The following ALG6 variants were observed in gnomAD, a reference collection of about 807,000 sequenced individuals.
The protein encoded by ALG6 is ALG6 alpha-1,3-glucosyltransferase.
Under a neutral mutation model 66.6 loss-of-function variants are expected in ALG6, and 46 were observed. The ratio of observed to expected loss-of-function variants is 0.69; its 90% CI spans 0.55 to 0.88. The LOEUF (loss-of-function observed/expected upper bound fraction) is 0.88, where lower values mean the gene tolerates loss of function less well. ALG6 is among the 40% of genes least tolerant of loss of function. The pLI is 0.00. For synonymous variants in ALG6, 185 were observed against 203.7 expected, an observed-to-expected ratio of 0.91 and a Z score of 0.78; for missense variants, 505 against 586.8, an observed-to-expected ratio of 0.86 and a Z score of 1.44.
chr1:63,402,364 G>A, intron 4 of ALG6, 21 bp downstream of exon 4: 2 of 1,535,200 alleles, frequency 1.3e-6, no homozygotes, highest in African/African-American at 1.4e-5. Context: ...CTTTCTTAAT[G>A]TAACTCTAAA....
At chr1:63,425,645 A>G (rs1460391019) in intron 12 of ALG6, among the ~76,000 whole-genome samples, 1 of 152,230 alleles carries the variant, frequency 6.6e-6, no homozygotes, top group South Asian at 2.1e-4. Flanking sequence ...TTAAAGTGAG[A>G]CCAGTTAGTA....
intron 11 of ALG6, among the ~76,000 whole-genome samples, chr1:63,418,978 TA>T (rs1291328898): frequency 6.6e-6 from 1 of 152,222 alleles, no homozygotes; most frequent in Non-Finnish European, 1.5e-5. Flanking sequence ...GTGCATGTTT[TA>T]AAACACCAAA....
intron 2 of ALG6, among the ~76,000 whole-genome samples, chr1:63,391,097 G>A (rs559534300): frequency 1.4e-4 from 22 of 152,058 alleles, no homozygotes; most frequent in Non-Finnish European, 2.4e-4. Context: ...GTCATAGTTT[G>A]TTTTTTAATA....
At chr1:63,411,899 T>TA (rs1557591400) in intron 8 of ALG6, 27 bp from the exon 9 acceptor site, 2 of 1,613,988 alleles carry the variant, frequency 1.2e-6, no homozygotes, top group Non-Finnish European at 1.7e-6. Context: ...TTCCCTATCT[T>TA]ACTGCCTACC....
chr1:63,422,316 T>TATTTATATAG (rs1557595159), intron 12 of ALG6, among the ~76,000 whole-genome samples: 1 of 112,514 alleles, frequency 8.9e-6, no homozygotes, highest in Non-Finnish European at 1.7e-5. Context: ...TATATATCTA[T>TATTTATATAG]ATATGAATAT....
intron 2 of ALG6, among the ~76,000 whole-genome samples, chr1:63,375,154 A>G (rs1427576930): frequency 2.0e-5 from 3 of 152,008 alleles, no homozygotes; most frequent in African/African-American, 7.2e-5. Flanking sequence ...TGAGCCAGAG[A>G]TGGTGCCACT....
chr1:63,421,362 A>G (rs1210383770), intron 12 of ALG6, among the ~76,000 whole-genome samples: 1 of 152,130 alleles, frequency 6.6e-6, no homozygotes, highest in Non-Finnish European at 1.5e-5. Context: ...GAATGCTTTT[A>G]TACTGTTGGT....
At position 63,414,139 on chromosome 1, in the gene ALG6, A is replaced by G; in HGVS notation, c.895A>G (p.Ile299Val). ...TATTTTGCCACGTCACATCCAATTA[A>G]TAATGAGGTAAGAGAAACAAAGTTT... ...KDILPRHIQL[I>V]MSFCSTFLSL... Residue 299 changes from isoleucine (I) to valine (V), a missense_variant, in exon 10 of 15, where the codon ATA becomes GTA. Transcript: ENST00000263440. The G allele has an allele frequency of 6.2e-7, 1 of 1,602,562 alleles. No homozygotes were observed. The highest frequency in any genetic ancestry group is 8.5e-7 in the Non-Finnish European group (1 of 1,169,728).
chr1:63,382,439 G>A (rs1648347969), intron 2 of ALG6, among the ~76,000 whole-genome samples: 1 of 151,720 alleles, frequency 6.6e-6, no homozygotes, highest in Non-Finnish European at 1.5e-5. Flanking sequence ...CTGACTTCAA[G>A]TGATCTGCCC....
At position 63,422,220 on chromosome 1, in the gene ALG6, T is replaced by TATATAGATATAAATATATATCTATATGA. The variant is rs1644582482; in HGVS notation, c.1058+2785_1058+2786insGATATAAATATATATCTATATGAATATA. On this transcript the variant is annotated intron_variant, in intron 12 of 14. Transcript: ENST00000263440. ...ATCTATATGAATATAAATATATATT[T>TATATAGATATAAATATATATCTATATGA]ATATAAATATAAATATATATATAAA... Among the ~76,000 whole-genome samples the TATATAGATATAAATATATATCTATATGA allele has an allele frequency of 3.2e-4, 18 of 55,854 alleles. 2 individuals are homozygous for TATATAGATATAAATATATATCTATATGA. The highest frequency in any genetic ancestry group is 2.1e-4 in the Non-Finnish European group (7 of 34,030). 36.6% of individuals were successfully genotyped at this position (55,854 alleles called of 152,430 possible). A position where few individuals can be genotyped will look rare whatever the true frequency, so the allele number is the denominator to read the frequency against.
intron 3 of ALG6, among the ~76,000 whole-genome samples, chr1:63,399,444 G>A (rs1044190840): frequency 7.2e-5 from 11 of 152,198 alleles, no homozygotes; most frequent in African/African-American, 2.4e-4. Flanking sequence ...GGTGTTCTCA[G>A]TGGTGACCTT....
intron 7 of ALG6, among the ~76,000 whole-genome samples, chr1:63,410,590 T>C (rs747430076): frequency 6.6e-6 from 1 of 152,104 alleles, no homozygotes; most frequent in Non-Finnish European, 1.5e-5. Context: ...TCCTATTATT[T>C]TAAGAGTCTC....
chr1:63,425,623 A>G (rs1051943360), intron 12 of ALG6, among the ~76,000 whole-genome samples: 3 of 152,230 alleles, frequency 2.0e-5, no homozygotes, highest in Non-Finnish European at 4.4e-5. Context: ...CTTGAATATC[A>G]TGATCATGTA....
At chr1:63,427,787 CT>C (rs540658412) in intron 12 of ALG6, among the ~76,000 whole-genome samples, 4,899 of 109,970 alleles carry the variant, frequency 0.045, 224 homozygotes, top group African/African-American at 0.18. Context: ...CCCTAAACAA[CT>C]TTTTTTTTTT....
chr1:63,411,407 T>C (rs1644515460), intron 8 of ALG6, 76 bp downstream of exon 8: 8 of 1,355,720 alleles, frequency 5.9e-6, no homozygotes, highest in Non-Finnish European at 8.2e-6. Context: ...TGCAGTAAGA[T>C]GATCTTTCAC....
At chr1:63,396,303 T>G (rs1444931517) in intron 2 of ALG6, among the ~76,000 whole-genome samples, 2 of 152,202 alleles carry the variant, frequency 1.3e-5, no homozygotes, top group African/African-American at 4.8e-5. Context: ...TGCTCAAGTT[T>G]AGGGAGATTA....
rs1410255339 is a variant in ALG6 at position 63,433,094 on chromosome 1, C to T, written c.1327-3729C>T. The stretch of plus-strand genomic sequence containing the variant: ...AGTAGCTGGGACTACAGGCACGTGC[C>T]ACCACACCCTGCCAATTTTTGTATT... On this transcript the variant is annotated intron_variant, in intron 14 of 14. Transcript: ENST00000263440. The surrounding 1 kb of genome is among the most constrained non-coding windows in gnomAD (Gnocchi z 4.2). 6.6e-6 allele frequency among the ~76,000 whole-genome samples: 1 copy of T among 152,136 alleles called. No homozygotes were observed. The highest frequency in any genetic ancestry group is 1.5e-5 in the Non-Finnish European group (1 of 68,028).
intron 12 of ALG6, among the ~76,000 whole-genome samples, chr1:63,422,023 T>C (rs939078548): frequency 1.0e-4 from 14 of 140,550 alleles, no homozygotes; most frequent in East Asian, 2.0e-4. Flanking sequence ...TATATATATA[T>C]ACATATATGT....
intron 2 of ALG6, among the ~76,000 whole-genome samples, chr1:63,388,818 G>T (rs2100397377): frequency 6.6e-6 from 1 of 152,222 alleles, no homozygotes; most frequent in African/African-American, 2.4e-5. Context: ...CTTCATGTTT[G>T]ACAGGTATTT....
Sources: gnomAD v4.1 joint callset for allele counts (sites outside exome capture counted in the v4.1 genomes callset) on GRCh38, gnomAD v4.1.1 for gene constraint, Gnocchi (gnomAD v3.1) non-coding constraint, MANE v1.5 for transcripts, NCBI Gene and HGNC (gene_info 2026-07-23, HGNC 2026-07-21) for gene names.